DACH2: variants seen among roughly 807,000 people sequenced by gnomAD.
The protein encoded by DACH2 is dachshund family transcription factor 2.
DACH2 carries 17 observed loss-of-function variants against 35.8 expected under a neutral mutation model. The observed-to-expected ratio is 0.48, with a 90% CI of 0.33 to 0.71. The LOEUF is 0.71. Ranked by LOEUF, DACH2 falls within the 30% of genes least tolerant of loss-of-function variation. DACH2 has a pLI of 0.02. For missense variants in DACH2, 469 were observed against 472.7 expected, an observed-to-expected ratio of 0.99 and a Z score of 0.07; for synonymous variants, 195 against 177.3, an observed-to-expected ratio of 1.10 and a Z score of -0.79.
intron 2 of DACH2, among the ~76,000 whole-genome samples, chrX:86,441,479 CTGTGTGTGTGTG>C (rs61396163): frequency 7.6e-4 from 73 of 95,449 alleles, no homozygotes; most frequent in African/African-American, 2.5e-3. Context: ...AAGTATTCCA[CTGTGTGTGTGTG>C]TGTGTGTGTG....
At chrX:86,525,534 GGTA>G (rs1341546039) in intron 3 of DACH2, among the ~76,000 whole-genome samples, 15 of 111,505 alleles carry the variant, frequency 1.3e-4, no homozygotes, top group Non-Finnish European at 2.1e-4. Context: ...TATAGAGAAA[GGTA>G]ACAGTTATAA....
intron 3 of DACH2, among the ~76,000 whole-genome samples, chrX:86,647,118 T>C (rs1475843212): frequency 1.8e-5 from 2 of 110,219 alleles, no homozygotes; most frequent in African/African-American, 3.3e-5. Flanking sequence ...AACAGTATGT[T>C]GGTTTCTCAA....
intron 1 of DACH2, among the ~76,000 whole-genome samples, chrX:86,302,530 A>G (rs897964528): frequency 9.0e-6 from 1 of 111,141 alleles, no homozygotes; most frequent in African/African-American, 3.3e-5. Flanking sequence ...GAGTGCACTT[A>G]GAAACTTCTG....
chrX:86,645,375 G>T (rs1053507147), intron 3 of DACH2, among the ~76,000 whole-genome samples: 2 of 109,153 alleles, frequency 1.8e-5, no homozygotes, highest in African/African-American at 6.6e-5. Context: ...ATCAAAATGG[G>T]TATCATGAAA....
intron 2 of DACH2, among the ~76,000 whole-genome samples, chrX:86,399,884 T>C (rs990161435): frequency 2.7e-5 from 3 of 111,349 alleles, no homozygotes; most frequent in Non-Finnish European, 3.8e-5. Flanking sequence ...TTCTGGAGTA[T>C]GTTTGTGGCG....
At chrX:86,593,256 C>T (rs992306795) in intron 3 of DACH2, among the ~76,000 whole-genome samples, 6 of 109,500 alleles carry the variant, frequency 5.5e-5, no homozygotes, top group East Asian at 2.8e-4. Flanking sequence ...ACTGGTTTTT[C>T]GCATCTATTA....
At chrX:86,556,882 T>G (rs926880983) in intron 3 of DACH2, among the ~76,000 whole-genome samples, 1 of 101,928 alleles carries the variant, frequency 9.8e-6, no homozygotes. Context: ...GGCTGAGAAG[T>G]CTTGCGATAT....
intron 1 of DACH2, among the ~76,000 whole-genome samples, chrX:86,164,724 G>A (rs1681635365): frequency 9.0e-6 from 1 of 110,788 alleles, no homozygotes; most frequent in Non-Finnish European, 1.9e-5. Flanking sequence ...TGTTAGGTTT[G>A]TCAAAGATCA....
At chrX:86,624,058 A>AC (rs1466871259) in intron 3 of DACH2, among the ~76,000 whole-genome samples, 4 of 65,839 alleles carry the variant, frequency 6.1e-5, no homozygotes, top group Non-Finnish European at 2.8e-5. Flanking sequence ...AAAAAAACAA[A>AC]ACAAAAAAAA....
At chrX:86,324,571 C>CTTTTTT (rs56918891) in intron 1 of DACH2, among the ~76,000 whole-genome samples, 10 of 40,650 alleles carry the variant, frequency 2.5e-4, no homozygotes, top group Non-Finnish European at 3.0e-4. Flanking sequence ...TCACTGTTGT[C>CTTTTTT]TTTTTTTTTT....
At chrX:86,812,531 T>C (rs1316125993) in intron 7 of DACH2, among the ~76,000 whole-genome samples, 1 of 111,910 alleles carries the variant, frequency 8.9e-6, no homozygotes, top group African/African-American at 3.2e-5. Flanking sequence ...AATAAAATGT[T>C]GCTTGTTTTT....
At chrX:86,717,968 A>G (rs1275085231) in intron 6 of DACH2, among the ~76,000 whole-genome samples, 1 of 109,276 alleles carries the variant, frequency 9.2e-6, no homozygotes, top group Non-Finnish European at 1.9e-5. Context: ...TGCAATAAAC[A>G]TATGAGTACA....
chrX:86,275,061 T>G (rs2033893334), intron 1 of DACH2, among the ~76,000 whole-genome samples: 2 of 111,670 alleles, frequency 1.8e-5, no homozygotes, highest in Non-Finnish European at 1.9e-5. Context: ...CTGGCATATT[T>G]TAGAGAATAT....
chrX:86,552,754 AT>A (rs778067659), intron 3 of DACH2, among the ~76,000 whole-genome samples: 11 of 110,016 alleles, frequency 1.0e-4, no homozygotes, highest in African/African-American at 3.3e-4. Flanking sequence ...TACAATGGTT[AT>A]TTTTTTTTAA....
At chrX:86,640,449 C>T (rs12557750) in intron 3 of DACH2, among the ~76,000 whole-genome samples, 13,885 of 111,124 alleles carry the variant, frequency 0.12, 754 homozygotes, top group East Asian at 0.33. Context: ...TGGCTTGGGC[C>T]CAAAGCACAA....
At chrX:86,491,976 A>T in intron 2 of DACH2, among the ~76,000 whole-genome samples, 2 of 111,638 alleles carry the variant, frequency 1.8e-5, no homozygotes, top group Middle Eastern at 4.6e-3. Context: ...CCCTATCTAT[A>T]TTTTTGTAAA....
chrX:86,597,134 A>G lies in DACH2; in HGVS notation c.641-53902A>G, dbSNP rs1602683558. Among the ~76,000 whole-genome samples, 3 of 111,650 alleles carry G rather than the reference A, an allele frequency of 2.7e-5. No individual in the cohort carries two copies. In the South Asian group the frequency reaches 1.1e-3, roughly 41 times the overall value. On this transcript the variant is annotated intron_variant, in intron 3 of 11. Transcript: ENST00000373125. ...TATTCAGGGCCCCTTGCAATTCCAT[A>G]TGAATTATATGTTTGGGTTTCCTAG... is the stretch of plus-strand genomic sequence containing the variant.
In DACH2 at chrX:86,254,807, T is replaced by TAGAGAGAGAGAG. The variant is rs755869488; in HGVS notation, c.488+105719_488+105730dup. ...ATATATATATATATATATATATATA[T>TAGAGAGAGAGAG]AGAGAGAGAGAGAGAGAGAGAGAGA... On this transcript the variant is annotated intron_variant, in intron 1 of 11. Transcript: ENST00000373125. Among the ~76,000 whole-genome samples the TAGAGAGAGAGAG allele has an allele frequency of 1.2e-3, 58 of 49,648 alleles. 2 individuals are homozygous for TAGAGAGAGAGAG. The highest frequency in any genetic ancestry group is 0.013 in the Middle Eastern group (1 of 77). 43.1% of individuals were successfully genotyped at this position (49,648 alleles called of 115,157 possible). A position where few individuals can be genotyped will look rare whatever the true frequency, so the allele number is the denominator to read the frequency against.
chrX:86,396,035 C>G (rs1433441889), intron 2 of DACH2, among the ~76,000 whole-genome samples: 1 of 111,568 alleles, frequency 9.0e-6, no homozygotes, highest in African/African-American at 3.3e-5. Context: ...TCGTCCACAT[C>G]CTCTCCAGCA....
Sources: gnomAD v4.1 joint callset for allele counts (sites outside exome capture counted in the v4.1 genomes callset) on GRCh38, gnomAD v4.1.1 for gene constraint, MANE v1.5 for transcripts, NCBI Gene and HGNC (gene_info 2026-07-23, HGNC 2026-07-21) for gene names.